The following PIK3C3 variants were observed in gnomAD, a reference collection of about 807,000 sequenced individuals.
The protein encoded by PIK3C3 is PI3-kinase type 3.
In PIK3C3, 95 loss-of-function variants were observed where a neutral mutation model predicts 126.1. The ratio of observed to expected loss-of-function variants is 0.75; its 90% CI spans 0.64 to 0.89. The LOEUF is 0.89. PIK3C3 is among the 40% of genes least tolerant of loss of function. The pLI, the probability that PIK3C3 is intolerant of heterozygous loss-of-function variation, is 0.00. For missense variants in PIK3C3, 829 were observed against 1,063.2 expected (o/e 0.78, Z 3.06); for synonymous variants, 374 against 360.0 (o/e 1.04, Z -0.44).
chr18:41,988,694 G>A (rs954774527), intron 5 of PIK3C3, among the ~76,000 whole-genome samples: 4 of 152,016 alleles, frequency 2.6e-5, no homozygotes, highest in African/African-American at 9.7e-5. Flanking sequence ...TTAGATTTTA[G>A]CATTATTCTT....
intron 24 of PIK3C3, among the ~76,000 whole-genome samples, chr18:42,072,851 A>G (rs945410225): frequency 1.3e-5 from 2 of 152,116 alleles, no homozygotes; most frequent in Non-Finnish European, 2.9e-5. Flanking sequence ...TGATCTTTAC[A>G]GTGCTTTCGA....
At chr18:41,965,035 C>T (rs1980284621) in intron 3 of PIK3C3, among the ~76,000 whole-genome samples, 1 of 152,186 alleles carries the variant, frequency 6.6e-6, no homozygotes, top group Non-Finnish European at 1.5e-5. Context: ...TAGCATGTTA[C>T]AGCAGAATGG....
intron 1 of PIK3C3, among the ~76,000 whole-genome samples, chr18:41,955,891 T>A (rs1342196802): frequency 1.3e-5 from 2 of 151,800 alleles, no homozygotes; most frequent in Non-Finnish European, 2.9e-5. Flanking sequence ...AAGTTGGGAG[T>A]AAGTCGAAGA....
intron 14 of PIK3C3, 113 bp from the exon 15 acceptor site, chr18:42,029,208 GCTTT>G (rs1230515346): frequency 3.1e-6 from 2 of 653,956 alleles, no homozygotes; most frequent in Non-Finnish European, 5.6e-6. Flanking sequence ...TTTCAGTTTT[GCTTT>G]CTATTTAAGT....
At chr18:41,987,056 A>G (rs183849788) in intron 4 of PIK3C3, among the ~76,000 whole-genome samples, 65 of 152,172 alleles carry the variant, frequency 4.3e-4, no homozygotes, top group Non-Finnish European at 1.5e-4. Context: ...TAGATAAGCT[A>G]CTATGTAAAG....
At position 42,085,088 on chromosome 18, in the gene PIK3C3, A is replaced by G. The variant is rs917141968; in HGVS notation, c.*3951A>G. The G allele has an allele frequency of 1.3e-5, 2 of 152,158 alleles. No individual in the cohort carries two copies. Among genetic ancestry groups the G allele is most frequent in the African/African-American group, 4.8e-5 (2 of 41,436 alleles). The allele number at this position is 152,158 out of a possible 1,614,324, so 9.4% of individuals were successfully genotyped here. A position where few individuals can be genotyped will look rare whatever the true frequency, so the allele number is the denominator to read the frequency against. ...CCATAGTGGGAAAAAATAATTTTTA[A>G]CTGGCTATGTAGTTAAAAAACCTAA... On this transcript the variant is annotated 3_prime_UTR_variant, in exon 25 of 25. Coordinates refer to ENST00000262039, the MANE Select transcript of PIK3C3 (RefSeq NM_002647.4).
Position 41,972,326 on chromosome 18 carries a change from A to G in PIK3C3, c.531+1870A>G, listed in dbSNP as rs140876754. ...AGAAGCCTTCTTAATGTTTTTGTTA[A>G]TTGGTAGCAATCATTATCCCCAGTT... On this transcript the variant is annotated intron_variant, in intron 4 of 24. Coordinates refer to ENST00000262039, the MANE Select transcript of PIK3C3 (RefSeq NM_002647.4). Among the ~76,000 whole-genome samples the G allele has an allele frequency of 3.4e-4, 51 of 152,202 alleles. 1 individual carries two copies. The highest frequency in any genetic ancestry group is 2.9e-3 in the East Asian group (15 of 5,186).
At chr18:42,077,726 T>C (rs951520303) in intron 24 of PIK3C3, among the ~76,000 whole-genome samples, 5 of 152,190 alleles carry the variant, frequency 3.3e-5, no homozygotes, top group Non-Finnish European at 7.4e-5. Flanking sequence ...TCTTCCGAAC[T>C]CCTATTAATG....
chr18:41,991,239 G>T (rs1347320666), intron 6 of PIK3C3, among the ~76,000 whole-genome samples: 2 of 152,124 alleles, frequency 1.3e-5, no homozygotes, highest in Admixed American at 6.6e-5. Context: ...ATAATTGTAT[G>T]CAGGCCAGGT....
intron 7 of PIK3C3, among the ~76,000 whole-genome samples, chr18:41,993,603 CTT>C (rs1013086886): frequency 4.8e-4 from 71 of 147,654 alleles, no homozygotes; most frequent in African/African-American, 1.6e-3. Context: ...GCAGTATACT[CTT>C]TTTTTTTTTC....
chr18:42,074,760 T>C (rs897028425), intron 24 of PIK3C3, among the ~76,000 whole-genome samples: 12 of 152,148 alleles, frequency 7.9e-5, no homozygotes, highest in African/African-American at 2.7e-4. Context: ...TATTCTCTCT[T>C]TGTACTTTTT....
chr18:41,961,514 G>A (rs566283554), intron 2 of PIK3C3, among the ~76,000 whole-genome samples: 10 of 152,234 alleles, frequency 6.6e-5, no homozygotes, highest in Middle Eastern at 3.4e-3. Context: ...TTTATATGGC[G>A]TATATAAATG....
chr18:41,973,959 A>G (rs1980791016), intron 4 of PIK3C3, among the ~76,000 whole-genome samples: 2 of 152,184 alleles, frequency 1.3e-5, no homozygotes, highest in Admixed American at 6.5e-5. Flanking sequence ...TTTTGAGAAG[A>G]CAGTTGGCTT....
At chr18:41,958,569 AAC>A (rs1979911531) in intron 2 of PIK3C3, among the ~76,000 whole-genome samples, 1 of 152,186 alleles carries the variant, frequency 6.6e-6, no homozygotes, top group Admixed American at 6.5e-5. Context: ...CAGAAGCCTG[AAC>A]TCTGGTGATC....
intron 24 of PIK3C3, among the ~76,000 whole-genome samples, chr18:42,072,698 A>G (rs539190154): frequency 6.6e-6 from 1 of 151,896 alleles, no homozygotes; most frequent in African/African-American, 2.4e-5. Context: ...TACCCAGCTA[A>G]TTTTTAATTT....
At chr18:42,069,993 C>T (rs572910996) in intron 24 of PIK3C3, among the ~76,000 whole-genome samples, 1 of 152,142 alleles carries the variant, frequency 6.6e-6, no homozygotes, top group Admixed American at 6.5e-5. Context: ...GCTGGCTTCA[C>T]TCCTTCAGCT....
chr18:42,073,013 A>G (rs1985840966), intron 24 of PIK3C3, among the ~76,000 whole-genome samples: 1 of 152,172 alleles, frequency 6.6e-6, no homozygotes, highest in Non-Finnish European at 1.5e-5. Context: ...GGTAGTAAAA[A>G]TCTTGAGAAA....
At chr18:41,981,320 T>A (rs941113776) in intron 4 of PIK3C3, among the ~76,000 whole-genome samples, 2 of 152,230 alleles carry the variant, frequency 1.3e-5, no homozygotes. Flanking sequence ...GTTCTGTAAA[T>A]CTATTTTCTG....
intron 15 of PIK3C3, among the ~76,000 whole-genome samples, chr18:42,032,623 A>T (rs1983877787): frequency 8.3e-6 from 1 of 120,734 alleles, no homozygotes. Context: ...CTTTCTGGTT[A>T]TTTTATTTAT....
Sources: gnomAD v4.1 joint callset for allele counts (sites outside exome capture counted in the v4.1 genomes callset) on GRCh38, gnomAD v4.1.1 for gene constraint, MANE v1.5 for transcripts, NCBI Gene and HGNC (gene_info 2026-07-23, HGNC 2026-07-21) for gene names.